The following NCAM1 variants were observed in gnomAD, a reference collection of about 807,000 sequenced individuals.
NCAM1 encodes the protein neural cell adhesion molecule 1.
Under a neutral mutation model 109.8 loss-of-function variants are expected in NCAM1, and 14 were observed. That is an observed-to-expected ratio of 0.13 (90% CI 0.08 to 0.20). The LOEUF (loss-of-function observed/expected upper bound fraction) is 0.20. Among genes scored for constraint, NCAM1 ranks in the 10% least tolerant of loss-of-function variants. The pLI is 1.00. For missense variants in NCAM1, 774 were observed against 1,109.9 expected (o/e 0.70, Z 4.30); for synonymous variants, 418 against 442.9 (o/e 0.94, Z 0.70).
intron 1 of NCAM1, among the ~76,000 whole-genome samples, chr11:113,095,466 A>G (rs993424221): frequency 6.6e-6 from 1 of 152,166 alleles, no homozygotes; most frequent in Non-Finnish European, 1.5e-5. Context: ...AATTGCTTGG[A>G]TGTGGTTCTT....
chr11:113,271,301 C>T (rs11214561), intron 18 of NCAM1, among the ~76,000 whole-genome samples: 6,843 of 128,694 alleles, frequency 0.053, 267 homozygotes, highest in Admixed American at 0.089. Context: ...ACCCAGGAGG[C>T]GGAGGTTGCA....
At chr11:113,219,545 T>C (rs1052556038) in intron 8 of NCAM1, among the ~76,000 whole-genome samples, 1 of 152,230 alleles carries the variant, frequency 6.6e-6, no homozygotes, top group East Asian at 1.9e-4. Context: ...AGTGTGTACA[T>C]TTGCATATCA....
chr11:113,131,270 G>A (rs1404882789), intron 1 of NCAM1, among the ~76,000 whole-genome samples: 4 of 152,178 alleles, frequency 2.6e-5, no homozygotes, highest in African/African-American at 9.7e-5. Flanking sequence ...AGTGAGCCCT[G>A]TCATGGCCTG....
intron 1 of NCAM1, among the ~76,000 whole-genome samples, chr11:113,066,864 C>T (rs917063119): frequency 3.3e-5 from 5 of 151,926 alleles, no homozygotes; most frequent in African/African-American, 9.7e-5. Flanking sequence ...ATTAGCCAGG[C>T]ATGGTGGCGG....
intron 1 of NCAM1, among the ~76,000 whole-genome samples, chr11:113,139,457 G>T (rs1378622647): frequency 2.6e-5 from 4 of 151,830 alleles, no homozygotes; most frequent in Admixed American, 2.0e-4. Flanking sequence ...ATAACAAGCA[G>T]AAATGCTTTT....
At chr11:112,969,876 A>G (rs1197719286) in intron 1 of NCAM1, among the ~76,000 whole-genome samples, 1 of 152,198 alleles carries the variant, frequency 6.6e-6, no homozygotes, top group African/African-American at 2.4e-5. Flanking sequence ...CGAAGAAATC[A>G]TGAAAGATAT....
intron 1 of NCAM1, among the ~76,000 whole-genome samples, chr11:113,018,740 T>A (rs1952287963): frequency 6.6e-6 from 1 of 152,198 alleles, no homozygotes; most frequent in Non-Finnish European, 1.5e-5. Flanking sequence ...GGTTTTTAAT[T>A]TTTTTAAGTC....
chr11:113,155,128 C>G (rs1190895253), intron 1 of NCAM1, among the ~76,000 whole-genome samples: 1 of 152,104 alleles, frequency 6.6e-6, no homozygotes, highest in Non-Finnish European at 1.5e-5. Context: ...TCCATAACAT[C>G]CAGGAGCAAG....
chr11:113,230,180 G>A (rs1322281143), intron 9 of NCAM1, among the ~76,000 whole-genome samples: 1 of 152,078 alleles, frequency 6.6e-6, no homozygotes. Context: ...GGTGTCACAA[G>A]GCTTTCTAGT....
chr11:113,197,182 G>A lies in NCAM1; in HGVS notation c.53-5197G>A, dbSNP rs11214541. On this transcript the variant is annotated intron_variant, in intron 1 of 19. Coordinates refer to ENST00000316851, the MANE Select transcript of NCAM1 (RefSeq NM_181351.5). The stretch of plus-strand genomic sequence containing the variant: ...ACCAGGTCCCGTGCTTGACATGTGG[G>A]GATTATGGGAATTACAATTCGTGAT... 4.3e-3 allele frequency: 1,134 copies of A among 263,084 alleles called. 12 individuals are homozygous for A. Among genetic ancestry groups the A allele is most frequent in the African/African-American group, 0.023 (1,049 of 44,778 alleles). 16.3% of individuals were successfully genotyped at this position (263,084 alleles called of 1,614,324 possible). A position where few individuals can be genotyped will look rare whatever the true frequency, so the allele number is the denominator to read the frequency against.
intron 1 of NCAM1, among the ~76,000 whole-genome samples, chr11:112,971,940 GA>G (rs1299429132): frequency 1.3e-5 from 2 of 152,126 alleles, no homozygotes; most frequent in African/African-American, 2.4e-5. Flanking sequence ...GATAATTTTG[GA>G]AAGACACACT....
intron 1 of NCAM1, among the ~76,000 whole-genome samples, chr11:113,126,297 G>C (rs1483458462): frequency 1.3e-5 from 2 of 152,090 alleles, no homozygotes; most frequent in East Asian, 1.9e-4. Flanking sequence ...GCCCTGTGCT[G>C]TGTGCTTTCC....
At chr11:112,998,762 CACACACGATTT>C (rs570157667) in intron 1 of NCAM1, among the ~76,000 whole-genome samples, 72 of 152,176 alleles carry the variant, frequency 4.7e-4, no homozygotes, top group Non-Finnish European at 7.6e-4. Flanking sequence ...GTCTTTCATA[CACACACGATTT>C]AATCGTGTGT....
At chr11:113,079,215 T>A (rs2135652887) in intron 1 of NCAM1, among the ~76,000 whole-genome samples, 1 of 152,352 alleles carries the variant, frequency 6.6e-6, no homozygotes, top group Non-Finnish European at 1.5e-5. Context: ...GTGTTAAGCA[T>A]GCGCTCTATA....
At chr11:113,239,907 G>T (rs1280880703) in intron 14 of NCAM1, among the ~76,000 whole-genome samples, 1 of 152,166 alleles carries the variant, frequency 6.6e-6, no homozygotes, top group Non-Finnish European at 1.5e-5. Context: ...ATACACTGAG[G>T]TTTTTCCAAA....
chr11:113,134,994 C>A (rs1941546167), intron 1 of NCAM1, among the ~76,000 whole-genome samples: 1 of 152,106 alleles, frequency 6.6e-6, no homozygotes, highest in Non-Finnish European at 1.5e-5. Flanking sequence ...AGTACCTGAG[C>A]TACAGGGCTA....
intron 1 of NCAM1, among the ~76,000 whole-genome samples, chr11:113,165,267 C>T (rs1942750718): frequency 6.6e-6 from 1 of 152,246 alleles, no homozygotes; most frequent in East Asian, 1.9e-4. Context: ...GTAAAACCAC[C>T]CCATCCACTT....
intron 1 of NCAM1, among the ~76,000 whole-genome samples, chr11:113,091,110 A>G (rs1160420928): frequency 1.3e-5 from 2 of 152,182 alleles, no homozygotes; most frequent in African/African-American, 4.8e-5. Flanking sequence ...TAGAAGATCC[A>G]ATCCATATCA....
At chr11:113,000,727 GCT>G (rs1339985175) in intron 1 of NCAM1, among the ~76,000 whole-genome samples, 1 of 151,184 alleles carries the variant, frequency 6.6e-6, no homozygotes, top group East Asian at 1.9e-4. Context: ...GGTCAGGATT[GCT>G]GTAGGAAGGT....
Sources: gnomAD v4.1 joint callset for allele counts (sites outside exome capture counted in the v4.1 genomes callset) on GRCh38, gnomAD v4.1.1 for gene constraint, MANE v1.5 for transcripts, NCBI Gene and HGNC (gene_info 2026-07-23, HGNC 2026-07-21) for gene names.